The following ACBD7 variants were observed in gnomAD, a reference collection of about 807,000 sequenced individuals.
ACBD7 encodes the protein acyl-CoA-binding domain-containing protein 7.
ACBD7 carries 11 observed loss-of-function variants against 13.7 expected under a neutral mutation model. The ratio of observed to expected loss-of-function variants is 0.80; its 90% CI spans 0.50 to 1.33. The LOEUF (loss-of-function observed/expected upper bound fraction) is 1.33. Ranked by LOEUF, ACBD7 falls within the 40% of genes most tolerant of loss-of-function variation. The pLI, the probability that ACBD7 is intolerant of heterozygous loss-of-function variation, is 0.00. For synonymous variants in ACBD7, 43 were observed against 37.7 expected, an observed-to-expected ratio of 1.14 and a Z score of -0.51; for missense variants, 111 against 103.0, an observed-to-expected ratio of 1.08 and a Z score of -0.33.
In ACBD7 at chr10:15,076,004, A is replaced by T; in HGVS notation, c.*2526T>A. The T allele has an allele frequency of 1.5e-6, 1 of 685,148 alleles. No individual in the cohort carries two copies. The highest frequency in any genetic ancestry group is 1.8e-6 in the Non-Finnish European group (1 of 555,768). 42.4% of individuals were successfully genotyped at this position (685,148 alleles called of 1,614,324 possible). The stretch of plus-strand genomic sequence containing the variant: ...AAAAAAAAAAAAAAAAAAAGAAAAG[A>T]AAAAGAATGTTATATAAATGGAATT... On this transcript the variant is annotated 3_prime_UTR_variant, in exon 4 of 4. Coordinates refer to ENST00000356189, the MANE Select transcript of ACBD7 (RefSeq NM_001039844.3).
At position 15,077,392 on chromosome 10, in the gene ACBD7, A is replaced by G. The variant is rs986228280; in HGVS notation, c.*1138T>C. ...CCTCAGAAACAAAAAAAAATACCAC[A>G]TGTTTTCACTTATAAGTGGGAGTTA... On this transcript the variant is annotated 3_prime_UTR_variant, in exon 4 of 4. Transcript: ENST00000356189. The G allele has an allele frequency of 1.3e-5, 2 of 148,518 alleles. No homozygotes were observed. Among genetic ancestry groups the G allele is most frequent in the Non-Finnish European group, 2.9e-5 (2 of 67,972 alleles). 9.2% of individuals were successfully genotyped at this position (148,518 alleles called of 1,614,324 possible).
chr10:15,081,395 T>G (rs1259967968), intron 1 of ACBD7, among the ~76,000 whole-genome samples: 1 of 152,162 alleles, frequency 6.6e-6, no homozygotes, highest in African/African-American at 2.4e-5. Flanking sequence ...AAGATAAGGG[T>G]AATCACTGCA....
In ACBD7 at chr10:15,077,353, G is replaced by T. The variant is rs1013432019; in HGVS notation, c.*1177C>A. On this transcript the variant is annotated 3_prime_UTR_variant, in exon 4 of 4. Transcript: ENST00000356189. The stretch of plus-strand genomic sequence containing the variant: ...ACTCAGAAAAAAATAAGAAAATAAA[G>T]ATTTTTAAAGAACCCTCAGAAACAA... 1.1e-4 allele frequency among the ~76,000 whole-genome samples: 16 copies of T among 151,726 alleles called. No homozygotes were observed. The highest frequency in any genetic ancestry group is 3.1e-4 in the African/African-American group (13 of 41,280).
chr10:15,084,841 C>A, intron 1 of ACBD7, among the ~76,000 whole-genome samples: 1 of 152,178 alleles, frequency 6.6e-6, no homozygotes, highest in African/African-American at 2.4e-5. Context: ...GTCAGAGATA[C>A]TTTCAATTTT....
chr10:15,083,256 A>G (rs1377865158), intron 1 of ACBD7, among the ~76,000 whole-genome samples: 1 of 152,118 alleles, frequency 6.6e-6, no homozygotes, highest in African/African-American at 2.4e-5. Context: ...TTCCTGCCTT[A>G]AGGGGCTGTT....
chr10:15,085,604 A>T (rs957800878), intron 1 of ACBD7, among the ~76,000 whole-genome samples: 9 of 152,218 alleles, frequency 5.9e-5, no homozygotes, highest in Non-Finnish European at 1.0e-4. Flanking sequence ...GCCAGTTGTT[A>T]AAATCATCAG....
chr10:15,079,112 A>C (rs1242514087), intron 1 of ACBD7, 72 bp from the exon 2 acceptor site: 1 of 940,810 alleles, frequency 1.1e-6, no homozygotes, highest in Admixed American at 2.2e-5. Context: ...AAGAGCAGGA[A>C]GAGGAAGGTT....
chr10:15,088,672 C>G, intron 1 of ACBD7, 45 bp downstream of exon 1: 3 of 1,588,696 alleles, frequency 1.9e-6, no homozygotes, highest in Non-Finnish European at 2.6e-6. Context: ...AAGCACTCCC[C>G]TCGCGGAGCG....
chr10:15,088,393 G>C, intron 1 of ACBD7: 1 of 475,192 alleles, frequency 2.1e-6, no homozygotes, highest in Non-Finnish European at 3.7e-6. Context: ...CCCAACGAGC[G>C]AAGGGGCGGG....
chr10:15,080,958 C>G (rs1432725052), intron 1 of ACBD7, among the ~76,000 whole-genome samples: 2 of 152,186 alleles, frequency 1.3e-5, no homozygotes, highest in East Asian at 3.9e-4. Flanking sequence ...GCCCCCCATA[C>G]TTCTTCTCTG....
In ACBD7 at chr10:15,076,593, C is replaced by T. The variant is rs1844685157; in HGVS notation, c.*1937G>A. ...TCTTGGCTCACTGCAACCTCCATCT[C>T]CTGGGTAAAAGCAATTCTCCTGCCT... On this transcript the variant is annotated 3_prime_UTR_variant, in exon 4 of 4. Coordinates refer to ENST00000356189, the MANE Select transcript of ACBD7 (RefSeq NM_001039844.3). 1 of 691,116 alleles carries T rather than the reference C, an allele frequency of 1.4e-6. No individual in the cohort carries two copies. 42.8% of individuals were successfully genotyped at this position (691,116 alleles called of 1,614,324 possible). A position where few individuals can be genotyped will look rare whatever the true frequency, so the allele number is the denominator to read the frequency against.
At chr10:15,088,300 A>T in intron 1 of ACBD7, 1 of 195,092 alleles carries the variant, frequency 5.1e-6, no homozygotes, top group Non-Finnish European at 1.0e-5. Flanking sequence ...AATTTTTTTC[A>T]CATACCTATA....
intron 1 of ACBD7, among the ~76,000 whole-genome samples, chr10:15,082,523 T>A (rs1426095297): frequency 1.3e-5 from 2 of 152,306 alleles, no homozygotes; most frequent in Middle Eastern, 3.4e-3. Context: ...ATAATGTGCA[T>A]GGATTGTGTT....
chr10:15,076,590 T>C lies in ACBD7; in HGVS notation c.*1940A>G. On this transcript the variant is annotated 3_prime_UTR_variant, in exon 4 of 4. Transcript: ENST00000356189. ...TGATCTTGGCTCACTGCAACCTCCA[T>C]CTCCTGGGTAAAAGCAATTCTCCTG... 1.5e-6 allele frequency: 1 copy of C among 689,100 alleles called. No homozygotes were observed. Among genetic ancestry groups the C allele is most frequent in the Non-Finnish European group, 1.8e-6 (1 of 560,488 alleles). The allele number at this position is 689,100 out of a possible 1,614,324, so 42.7% of individuals were successfully genotyped here.
intron 1 of ACBD7, among the ~76,000 whole-genome samples, chr10:15,085,321 T>A (rs1404457608): frequency 6.6e-6 from 1 of 152,210 alleles, no homozygotes; most frequent in African/African-American, 2.4e-5. Context: ...CCTGGGTGCA[T>A]CCTTCCGTGC....
chr10:15,076,885 A>G lies in ACBD7; in HGVS notation c.*1645T>C. The G allele has an allele frequency of 1.0e-6, 1 of 985,434 alleles. No individual in the cohort carries two copies. Among genetic ancestry groups the G allele is most frequent in the African/African-American group, 1.7e-5 (1 of 57,368 alleles). 61.0% of individuals were successfully genotyped at this position (985,434 alleles called of 1,614,324 possible). ...ACAGAACAGATGAGCCAAAAGAACA[A>G]ACAGCTGTTCAAATCTGTACACATA... On this transcript the variant is annotated 3_prime_UTR_variant, in exon 4 of 4. Coordinates refer to ENST00000356189, the MANE Select transcript of ACBD7 (RefSeq NM_001039844.3).
intron 1 of ACBD7, among the ~76,000 whole-genome samples, chr10:15,080,074 G>T (rs967370625): frequency 1.3e-5 from 2 of 151,942 alleles, no homozygotes; most frequent in Admixed American, 6.6e-5. Context: ...GTATTATTTA[G>T]ACCTAGCCAG....
intron 1 of ACBD7, among the ~76,000 whole-genome samples, chr10:15,080,044 G>A (rs1844732946): frequency 6.6e-6 from 1 of 152,030 alleles, no homozygotes; most frequent in Admixed American, 6.6e-5. Context: ...GTGCCCTCAT[G>A]CCTACATTCT....
chr10:15,081,760 A>G (rs1844752836), intron 1 of ACBD7, among the ~76,000 whole-genome samples: 1 of 152,194 alleles, frequency 6.6e-6, no homozygotes, highest in Non-Finnish European at 1.5e-5. Context: ...GAAGAGCACA[A>G]TCACCTGTAA....
Sources: gnomAD v4.1 joint callset for allele counts (sites outside exome capture counted in the v4.1 genomes callset) on GRCh38, gnomAD v4.1.1 for gene constraint, MANE v1.5 for transcripts, NCBI Gene and HGNC (gene_info 2026-07-23, HGNC 2026-07-21) for gene names.